The following SCN4A variants were observed in gnomAD, a reference collection of about 807,000 sequenced individuals.
SCN4A encodes the protein sodium channel protein type 4 subunit alpha.
A neutral mutation model predicts 162.0 loss-of-function variants in SCN4A; 83 were observed. That is an observed-to-expected ratio of 0.51 (90% CI 0.43 to 0.61). SCN4A has a LOEUF of 0.61. Ranked by LOEUF, SCN4A falls within the 20% of genes least tolerant of loss-of-function variation. The pLI is 0.00. For synonymous variants in SCN4A, 944 were observed against 985.1 expected (o/e 0.96, Z 0.78); for missense variants, 2,196 against 2,462.5 (o/e 0.89, Z 2.29).
In SCN4A at chr17:63,945,291, A is replaced by G; in HGVS notation, c.3720+69T>C. 8.0e-7 allele frequency: 1 copy of G among 1,256,972 alleles called. No homozygotes were observed. Among genetic ancestry groups the G allele is most frequent in the South Asian group, 1.4e-5 (1 of 73,610 alleles). 77.9% of individuals were successfully genotyped at this position (1,256,972 alleles called of 1,614,324 possible). Reference sequence around the variant, plus strand: ...ACCAGGAGTGACACTGGGGTTGGGTACAACGAGAGGACCGGGGTGGGGGGC... The same window carrying G: ...ACCAGGAGTGACACTGGGGTTGGGTGCAACGAGAGGACCGGGGTGGGGGGC... On this transcript the variant is annotated intron_variant, in intron 19 of 23. Transcript: ENST00000435607. This position sits in a 1 kb window ranked among gnomAD's most constrained non-coding sequence, Gnocchi z 4.4.
chr17:63,944,987 T>C lies in SCN4A; in HGVS notation c.3774+20A>G, dbSNP rs377552760. On this transcript the variant is annotated intron_variant, in intron 20 of 23. Transcript: ENST00000435607. The surrounding 1 kb of genome is among the most constrained non-coding windows in gnomAD (Gnocchi z 4.3). ...TTCCCTGGCTCGCTCACCAGCCACA[T>C]CTCAGCGACCCCGACTCACCTCCCG... The C allele has an allele frequency of 1.1e-4, 178 of 1,612,800 alleles. No individual in the cohort carries two copies. The highest frequency in any genetic ancestry group is 2.0e-4 in the Admixed American group (12 of 59,950).
chr17:63,941,565 T>C lies in SCN4A; in HGVS notation c.4717A>G (p.Ile1573Val), dbSNP rs750898250. The change falls in exon 24 of 24, where the codon ATC becomes GTC. Residue 1573 changes from isoleucine to valine, a missense_variant. Coordinates refer to ENST00000435607, the MANE Select transcript of SCN4A (RefSeq NM_000334.4). This position sits in a 1 kb window ranked among gnomAD's most constrained non-coding sequence, Gnocchi z 6.2. ...TAGCTGCAGAAGAAGCAGATGCCGA[T>C]GGAGGGGTTGCCGCAGTCACCCTTG... ...SVKGDCGNPS[I>V]GICFFCSYII... 28 of 1,613,998 alleles carry C rather than the reference T, an allele frequency of 1.7e-5. No homozygotes were observed. The highest frequency in any genetic ancestry group is 2.4e-5 in the Non-Finnish European group (28 of 1,179,998).
In SCN4A at chr17:63,952,247, C is replaced by A. The variant is rs556300522; in HGVS notation, c.2377-347G>T. ...AGTCTCCCTCTGTTGCCTCCAGACTCCGGGCTGGAGTGCTGTGGCGCGATT... is the reference window on the plus strand; with the variant it reads ...AGTCTCCCTCTGTTGCCTCCAGACTACGGGCTGGAGTGCTGTGGCGCGATT... On this transcript the variant is annotated intron_variant, in intron 13 of 23. Transcript: ENST00000435607. Among the ~76,000 whole-genome samples the A allele has an allele frequency of 2.0e-5, 3 of 151,518 alleles. No individual in the cohort carries two copies. The East Asian group carries it at 5.8e-4, about 29-fold the overall frequency.
intron 10 of SCN4A, among the ~76,000 whole-genome samples, chr17:63,962,314 T>C (rs189083952): frequency 8.5e-5 from 13 of 152,238 alleles, no homozygotes; most frequent in Admixed American, 2.0e-4. Flanking sequence ...TACCGGCCCC[T>C]CCAAAGTGTC....
At position 63,972,834 on chromosome 17, in the gene SCN4A, C is replaced by A; in HGVS notation, c.8G>T (p.Arg3Ile). The stretch of plus-strand genomic sequence containing the variant: ...AGGCACCAGGGTGCACAGAGATGGT[C>A]TGGCCATCCTCGCATCCTGGGCTCA... MA[R>I]PSLCTLVPLG... is the part of the protein sequence containing the mutation. Residue 3 changes from arginine (R) to isoleucine (I), a missense_variant, in exon 1 of 24, where the codon AGA becomes ATA. Arg to Ile is a moderately conservative substitution (Grantham distance 97). Transcript: ENST00000435607. This position sits in a 1 kb window ranked among gnomAD's most constrained non-coding sequence, Gnocchi z 4.3. The A allele has an allele frequency of 6.2e-7, 1 of 1,608,452 alleles. No homozygotes were observed. Among genetic ancestry groups the A allele is most frequent in the South Asian group, 1.1e-5 (1 of 90,676 alleles).
chr17:63,940,610 G>A lies in SCN4A; in HGVS notation c.*161C>T, dbSNP rs1365908215. 17 of 774,752 alleles carry A rather than the reference G, an allele frequency of 2.2e-5. No individual in the cohort carries two copies. The highest frequency in any genetic ancestry group is 1.3e-4 in the South Asian group (5 of 37,264). The allele number at this position is 774,752 out of a possible 1,614,324, so 48.0% of individuals were successfully genotyped here. A position where few individuals can be genotyped will look rare whatever the true frequency, so the allele number is the denominator to read the frequency against. On this transcript the variant is annotated 3_prime_UTR_variant, in exon 24 of 24. Coordinates refer to ENST00000435607, the MANE Select transcript of SCN4A (RefSeq NM_000334.4). ...CCATGGTCTGGGAACGCAGGCGCTC[G>A]GGCCTGGGTGTCAGCCCCAGTGTGG...
Position 63,945,256 on chromosome 17 carries a change from C to T in SCN4A, c.3720+104G>A, listed in dbSNP as rs1272099195. On this transcript the variant is annotated intron_variant, in intron 19 of 23. Transcript: ENST00000435607. This position sits in a 1 kb window ranked among gnomAD's most constrained non-coding sequence, Gnocchi z 4.4. ...CCCACAGCATTGGAAGCAGGGTGGG[C>T]GGTCCCCTAACCAGGAGTGACACTG... 2.3e-5 allele frequency: 25 copies of T among 1,091,134 alleles called. No individual in the cohort carries two copies. The highest frequency in any genetic ancestry group is 2.3e-4 in the Middle Eastern group (1 of 4,438). 67.6% of individuals were successfully genotyped at this position (1,091,134 alleles called of 1,614,324 possible).
chr17:63,946,041 G>A (rs75828444), intron 18 of SCN4A, among the ~76,000 whole-genome samples: 5,946 of 152,272 alleles, frequency 0.039, 148 homozygotes, highest in Non-Finnish European at 0.056. Flanking sequence ...AGAAAAGAGG[G>A]CACCAGGGTC....
chr17:63,942,748 G>C, intron 23 of SCN4A, 78 bp downstream of exon 23: 1 of 1,431,730 alleles, frequency 7.0e-7, no homozygotes, highest in Non-Finnish European at 9.6e-7. Flanking sequence ...TGCAGGGGCA[G>C]GTGTGTCCGT....
At chr17:63,966,879 G>A (rs1909465237) in intron 6 of SCN4A, among the ~76,000 whole-genome samples, 1 of 152,180 alleles carries the variant, frequency 6.6e-6, no homozygotes, top group Non-Finnish European at 1.5e-5. Context: ...GGTGAGTGGG[G>A]GCTGGAATCC....
rs1909455751 is a variant in SCN4A, at chr17:63,966,620, C to T, written c.1037-76G>A. 3 of 1,107,456 alleles carry T rather than the reference C, an allele frequency of 2.7e-6. No homozygotes were observed. The Admixed American group carries it at 5.1e-5, about 19-fold the overall frequency. The allele number at this position is 1,107,456 out of a possible 1,614,324, so 68.6% of individuals were successfully genotyped here. A position where few individuals can be genotyped will look rare whatever the true frequency, so the allele number is the denominator to read the frequency against. On this transcript the variant is annotated intron_variant, in intron 6 of 23. Transcript: ENST00000435607. ...TGTGAGCACCTGCGCCCATTGCACA[C>T]CTGTGGACAGGTCTGCGCGTACCAC... is the stretch of plus-strand genomic sequence containing the variant.
At chr17:63,946,447 A>G (rs1942130537) in intron 18 of SCN4A, among the ~76,000 whole-genome samples, 1 of 146,322 alleles carries the variant, frequency 6.8e-6, no homozygotes, top group African/African-American at 2.6e-5. Context: ...TTCCTGGGGA[A>G]GTCCCATTTT....
chr17:63,948,868 C>T lies in SCN4A; in HGVS notation c.2990-103G>A, dbSNP rs567409473. The T allele has an allele frequency of 3.7e-6, 4 of 1,090,430 alleles. No individual in the cohort carries two copies. The African/African-American group carries it at 6.3e-5, about 17-fold the overall frequency. The allele number at this position is 1,090,430 out of a possible 1,614,324, so 67.5% of individuals were successfully genotyped here. A position where few individuals can be genotyped will look rare whatever the true frequency, so the allele number is the denominator to read the frequency against. ...TCCCATGGCATCCCAGGATGCCCCTCTCCAGCTCCCAGACCCAGGGCCCCC... is the reference window on the plus strand; with the variant it reads ...TCCCATGGCATCCCAGGATGCCCCTTTCCAGCTCCCAGACCCAGGGCCCCC... On this transcript the variant is annotated intron_variant, in intron 15 of 23. Transcript: ENST00000435607.
At chr17:63,946,997 G>T (rs758390598) in intron 18 of SCN4A, 48 bp downstream of exon 18, 12 of 1,512,518 alleles carry the variant, frequency 7.9e-6, no homozygotes, top group African/African-American at 1.4e-5. Context: ...AGTGAAGGTG[G>T]CCGGTCCCCC....
At chr17:63,962,311 C>T (rs966754459) in intron 10 of SCN4A, among the ~76,000 whole-genome samples, 1 of 152,184 alleles carries the variant, frequency 6.6e-6, no homozygotes. Flanking sequence ...TAATACCGGC[C>T]CCTCCAAAGT....
chr17:63,944,043 G>C lies in SCN4A; in HGVS notation c.3913-193C>G, dbSNP rs1240214273. On this transcript the variant is annotated intron_variant, in intron 21 of 23. Transcript: ENST00000435607. This position sits in a 1 kb window ranked among gnomAD's most constrained non-coding sequence, Gnocchi z 4.3. Reference sequence around the variant, plus strand: ...ACCGAGGAGAAGGGAGGGAAGGGGAGTGGGGATCAATGCTGTCTTGCAGCC... The same window carrying C: ...ACCGAGGAGAAGGGAGGGAAGGGGACTGGGGATCAATGCTGTCTTGCAGCC... Among the ~76,000 whole-genome samples, 1 of 152,182 alleles carries C rather than the reference G, an allele frequency of 6.6e-6. No individual in the cohort carries two copies. Among genetic ancestry groups the C allele is most frequent in the Non-Finnish European group, 1.5e-5 (1 of 68,034 alleles).
In SCN4A at chr17:63,961,176, C is replaced by T; in HGVS notation, c.1845+17G>A. 1.5e-5 allele frequency: 14 copies of T among 932,550 alleles called. No homozygotes were observed. The highest frequency in any genetic ancestry group is 6.4e-5 in the South Asian group (5 of 77,770). The allele number at this position is 932,550 out of a possible 1,614,324, so 57.8% of individuals were successfully genotyped here. ...CCATCCTGCCCATGAATGATCCCCT[C>T]CCCCGCCCCTCCCTACCAGGTTGCC... On this transcript the variant is annotated intron_variant, in intron 11 of 23. Coordinates refer to ENST00000435607, the MANE Select transcript of SCN4A (RefSeq NM_000334.4).
At chr17:63,958,615 C>T (rs529048353) in intron 12 of SCN4A, among the ~76,000 whole-genome samples, 88 of 152,092 alleles carry the variant, frequency 5.8e-4, no homozygotes, top group Non-Finnish European at 1.0e-3. Flanking sequence ...TGCAGTGGTG[C>T]GATCTCGGCT....
rs1908545545 is a variant in SCN4A at position 63,941,832 on chromosome 17, T to C, written c.4450A>G (p.Asn1484Asp). The C allele has an allele frequency of 6.2e-7, 1 of 1,614,046 alleles. No individual in the cohort carries two copies. The highest frequency in any genetic ancestry group is 1.3e-5 in the African/African-American group (1 of 74,914). Residue 1484 changes from asparagine (N) to aspartate (D), a missense_variant, in exon 24 of 24, where the codon AAC becomes GAC. By Grantham distance (23) the Asn-to-Asp change is conservative. Coordinates refer to ENST00000435607, the MANE Select transcript of SCN4A (RefSeq NM_000334.4). The surrounding 1 kb of genome is among the most constrained non-coding windows in gnomAD (Gnocchi z 6.2). ...ACCAGGAAGAGGAGGAGGCCGATGT[T>C]GAAGAGGGCAGGCAGCGACATCATG... ...ALMMSLPALF[N>D]IGLLLFLVMF...
Sources: gnomAD v4.1 joint callset for allele counts (sites outside exome capture counted in the v4.1 genomes callset) on GRCh38, gnomAD v4.1.1 for gene constraint, Gnocchi (gnomAD v3.1) non-coding constraint, MANE v1.5 for transcripts, NCBI Gene and HGNC (gene_info 2026-07-23, HGNC 2026-07-21) for gene names.